MAD1L1: variants seen among roughly 807,000 people sequenced by gnomAD.
MAD1L1 encodes mitotic arrest deficient 1 like 1.
A neutral mutation model predicts 96.9 loss-of-function variants in MAD1L1; 95 were observed. The observed-to-expected ratio is 0.98, with a 90% CI of 0.83 to 1.16. The LOEUF is 1.16. MAD1L1 is among the 50% of genes most tolerant of loss of function. The pLI, the probability that MAD1L1 is intolerant of heterozygous loss-of-function variation, is 0.00. For missense variants in MAD1L1, 1,007 were observed against 954.4 expected, an observed-to-expected ratio of 1.06 and a Z score of -0.73; for synonymous variants, 473 against 396.6, an observed-to-expected ratio of 1.19 and a Z score of -2.29.
chr7:2,069,181 G>C lies in MAD1L1; in HGVS notation c.1218+13C>G, dbSNP rs770331615. ...CCCTGCGACTCTGATCAAGATGTAA[G>C]GGCATACATCACCTTGGTGAGCAGC... On this transcript the variant is annotated intron_variant, in intron 12 of 18. Transcript: ENST00000265854. The C allele has an allele frequency of 6.4e-7, 1 of 1,574,130 alleles. No homozygotes were observed. The highest frequency in any genetic ancestry group is 1.2e-5 in the South Asian group (1 of 84,522).
intron 6 of MAD1L1, among the ~76,000 whole-genome samples, chr7:2,218,386 C>T (rs998481082): frequency 7.9e-5 from 12 of 152,232 alleles, no homozygotes; most frequent in Non-Finnish European, 1.6e-4. Flanking sequence ...GGTGCAGCTG[C>T]GGTAGGGCCC....
rs367759517 is a variant in MAD1L1, at chr7:2,146,544, GCACGTGCC to G, written c.1073+2600_1073+2607del. 4.5e-3 allele frequency among the ~76,000 whole-genome samples: 678 copies of G among 152,326 alleles called. 5 individuals are homozygous for G. Among genetic ancestry groups the G allele is most frequent in the African/African-American group, 0.015 (644 of 41,566 alleles). ...CAGAGGAGAACATACGTGGTCACAA[GCACGTGCC>G]CGCTGGTCCGCACAGACGAGGGAAA... is the stretch of plus-strand genomic sequence containing the variant. On this transcript the variant is annotated intron_variant, in intron 11 of 18. Transcript: ENST00000265854. The surrounding 1 kb of genome is among the most constrained non-coding windows in gnomAD (Gnocchi z 6.2).
At chr7:2,190,694 T>C (rs1014861468) in intron 10 of MAD1L1, among the ~76,000 whole-genome samples, 2 of 152,120 alleles carry the variant, frequency 1.3e-5, no homozygotes, top group African/African-American at 4.8e-5. Flanking sequence ...GTTAAGTACA[T>C]GAGTAGATGT....
intron 11 of MAD1L1, among the ~76,000 whole-genome samples, chr7:2,100,014 C>A (rs1786695256): frequency 6.6e-6 from 1 of 152,250 alleles, no homozygotes; most frequent in African/African-American, 2.4e-5. Context: ...AGAGGTCATT[C>A]CTTACACTTC....
intron 10 of MAD1L1, among the ~76,000 whole-genome samples, chr7:2,155,267 C>T (rs866307793): frequency 1.3e-5 from 2 of 152,204 alleles, no homozygotes; most frequent in East Asian, 3.9e-4. Flanking sequence ...CACCTGGCCA[C>T]GGTGGCATCC....
intron 18 of MAD1L1, among the ~76,000 whole-genome samples, chr7:1,882,083 C>T (rs1785715578): frequency 6.6e-6 from 1 of 152,102 alleles, no homozygotes; most frequent in African/African-American, 2.4e-5. Context: ...ACACCGTTCA[C>T]CATGCACATC....
intron 12 of MAD1L1, among the ~76,000 whole-genome samples, chr7:2,060,508 A>ACGCTAATGTCGAGAT (rs1222229047): frequency 8.6e-6 from 1 of 116,054 alleles, no homozygotes; most frequent in African/African-American, 4.4e-5. Context: ...AGACCGAGAT[A>ACGCTAATGTCGAGAT]ACGCTAATGT....
At chr7:2,016,831 T>C (rs1782563880) in intron 12 of MAD1L1, among the ~76,000 whole-genome samples, 1 of 152,260 alleles carries the variant, frequency 6.6e-6, no homozygotes, top group African/African-American at 2.4e-5. Context: ...GAAAATTTGT[T>C]TGCACAGGAA....
chr7:1,936,938 ACACACGCAGCACGGGT>A (rs759484176), intron 16 of MAD1L1, 41 bp from the exon 17 acceptor site: 2 of 1,501,948 alleles, frequency 1.3e-6, no homozygotes, highest in Non-Finnish European at 1.8e-6. Flanking sequence ...TGGCCCAGGC[ACACACGCAGCACGGGT>A]CACACACAGC....
intron 18 of MAD1L1, among the ~76,000 whole-genome samples, chr7:1,851,007 A>C (rs978901521): frequency 3.9e-5 from 6 of 152,178 alleles, no homozygotes; most frequent in African/African-American, 1.4e-4. Context: ...GTGTTGCCCT[A>C]AGCTTCTGTG....
chr7:2,017,787 G>C (rs1293763822), intron 12 of MAD1L1, among the ~76,000 whole-genome samples: 1 of 152,228 alleles, frequency 6.6e-6, no homozygotes, highest in East Asian at 1.9e-4. Flanking sequence ...CACGCAATGA[G>C]AGACAGATTC....
chr7:2,171,871 C>T (rs992257141), intron 10 of MAD1L1, among the ~76,000 whole-genome samples: 2 of 152,206 alleles, frequency 1.3e-5, no homozygotes, highest in African/African-American at 4.8e-5. Context: ...CATGAGACCA[C>T]GCAGCCCAAG....
chr7:1,919,197 A>G (rs1788619319), intron 17 of MAD1L1, among the ~76,000 whole-genome samples: 1 of 152,200 alleles, frequency 6.6e-6, no homozygotes, highest in Non-Finnish European at 1.5e-5. Flanking sequence ...CAAATGGGGA[A>G]GCTGAGATGC....
At chr7:2,150,858 C>T (rs184084075) in intron 10 of MAD1L1, among the ~76,000 whole-genome samples, 2 of 152,344 alleles carry the variant, frequency 1.3e-5, no homozygotes, top group African/African-American at 2.4e-5. Flanking sequence ...AAAGAACAGG[C>T]CCCTTGCTGA....
At chr7:1,831,493 G>A (rs1181974749) in intron 18 of MAD1L1, among the ~76,000 whole-genome samples, 4 of 152,176 alleles carry the variant, frequency 2.6e-5, no homozygotes, top group Non-Finnish European at 4.4e-5. Context: ...TGGCTTCTAG[G>A]TGTTCAAGTG....
In MAD1L1 at chr7:2,182,941, G is replaced by A. The variant is rs370207718; in HGVS notation, c.986+30271C>T. Among the ~76,000 whole-genome samples, 5 of 152,134 alleles carry A rather than the reference G, an allele frequency of 3.3e-5. 1 individual carries two copies. The highest frequency in any genetic ancestry group is 2.9e-5 in the Non-Finnish European group (2 of 67,948). ...ATTAAACACTTTAAAACAGACAAGC[G>A]GCAGGGCATGGTGGCTCACGCTTAT... On this transcript the variant is annotated intron_variant, in intron 10 of 18. Transcript: ENST00000265854.
chr7:2,227,753 T>C (rs1287432470), intron 3 of MAD1L1, among the ~76,000 whole-genome samples: 1 of 152,154 alleles, frequency 6.6e-6, no homozygotes, highest in African/African-American at 2.4e-5. Context: ...GCAGCCTTCC[T>C]GGTCTCACTT....
intron 16 of MAD1L1, among the ~76,000 whole-genome samples, chr7:1,941,546 G>A (rs1778998248): frequency 6.6e-6 from 1 of 152,168 alleles, no homozygotes; most frequent in Non-Finnish European, 1.5e-5. Context: ...GGCCCCGCTG[G>A]GGGCGAAGGC....
chr7:2,155,214 C>T (rs1789768960), intron 10 of MAD1L1, among the ~76,000 whole-genome samples: 1 of 152,228 alleles, frequency 6.6e-6, no homozygotes, highest in South Asian at 2.1e-4. Flanking sequence ...ACCTGCCACG[C>T]TCTTCCAAGA....
Sources: gnomAD v4.1 joint callset for allele counts (sites outside exome capture counted in the v4.1 genomes callset) on GRCh38, gnomAD v4.1.1 for gene constraint, Gnocchi (gnomAD v3.1) non-coding constraint, MANE v1.5 for transcripts, NCBI Gene and HGNC (gene_info 2026-07-23, HGNC 2026-07-21) for gene names.